RACGAP1: variants seen among roughly 807,000 people sequenced by gnomAD.
The protein encoded by RACGAP1 is rac GTPase-activating protein 1.
RACGAP1 carries 30 observed loss-of-function variants against 78.1 expected under a neutral mutation model. The ratio of observed to expected loss-of-function variants is 0.38; its 90% CI spans 0.29 to 0.52. The LOEUF is 0.52. RACGAP1 is among the 20% of genes least tolerant of loss of function. The pLI, the probability that RACGAP1 is intolerant of heterozygous loss-of-function variation, is 0.82. For synonymous variants in RACGAP1, 231 were observed against 264.8 expected (o/e 0.87, Z 1.24); for missense variants, 587 against 777.1 (o/e 0.76, Z 2.91).
chr12:49,992,294 G>A lies in RACGAP1; in HGVS notation c.1529C>T (p.Pro510Leu), dbSNP rs1252479622. 1.2e-6 allele frequency: 2 copies of A among 1,614,154 alleles called. No homozygotes were observed. The highest frequency in any genetic ancestry group is 3.3e-5 in the Admixed American group (2 of 60,018). ...TAACATTGTCACTGGGTCTGGATTGGGCACAGCATGGGCCACTATTGTAGG... is the reference window on the plus strand; with the variant it reads ...TAACATTGTCACTGGGTCTGGATTGAGCACAGCATGGGCCACTATTGTAGG... ...FGPTIVAHAV[P>L]NPDPVTMLQD... The change falls in exon 14 of 17, where the codon CCC becomes CTC. Residue 510 changes from proline to leucine, a missense_variant. By Grantham distance (98) the Pro-to-Leu change is moderately conservative. Coordinates refer to ENST00000312377, the MANE Select transcript of RACGAP1 (RefSeq NM_001319999.2).
In RACGAP1 at chr12:49,997,120, C is replaced by T. The variant is rs1231224057; in HGVS notation, c.964G>A (p.Val322Ile). ...LSLKCRDCRVVSHPECRDRCP... is the reference protein window; with the variant it reads ...LSLKCRDCRVISHPECRDRCP... ...CGGTCCCGACATTCTGGATGAGAGA[C>T]CACACGACAGTCTCGACACTTCAGA... Residue 322 changes from valine (V) to isoleucine (I), a missense_variant, in exon 10 of 17, where the codon GTC becomes ATC. Val to Ile is a conservative substitution (Grantham distance 29). Transcript: ENST00000312377. The T allele has an allele frequency of 6.2e-7, 1 of 1,610,874 alleles. No homozygotes were observed. The highest frequency in any genetic ancestry group is 1.3e-5 in the African/African-American group (1 of 74,844).
chr12:50,015,175 C>T (rs984893126), intron 2 of RACGAP1, among the ~76,000 whole-genome samples: 3 of 151,764 alleles, frequency 2.0e-5, no homozygotes, highest in Admixed American at 1.3e-4. Context: ...CCACTATGCC[C>T]GACCGCTAAT....
rs951272773 is a variant in RACGAP1 at position 50,006,528 on chromosome 12, C to T, written c.194G>A (p.Arg65Gln). The change falls in exon 3 of 17, where the codon CGA (arginine) becomes CAA (glutamine). Residue 65 changes from arginine (R) to glutamine (Q), a missense_variant. By Grantham distance (43) the Arg-to-Gln change is conservative. Transcript: ENST00000312377. Reference sequence around the variant, plus strand: ...CTTCAGCTTAACATCCAGAGCACTTCGCTCAGTCTCTGCTTTCATCAAAAG... The same window carrying T: ...CTTCAGCTTAACATCCAGAGCACTTTGCTCAGTCTCTGCTTTCATCAAAAG... ...KDLLMKAETERSALDVKLKHA... is the reference protein window; with the variant it reads ...KDLLMKAETEQSALDVKLKHA... The T allele has an allele frequency of 5.0e-6, 8 of 1,614,092 alleles. No individual in the cohort carries two copies. Among genetic ancestry groups the T allele is most frequent in the South Asian group, 3.3e-5 (3 of 91,086 alleles).
chr12:50,000,031 T>TTTTTTTTTTTTTG (rs10701508), intron 7 of RACGAP1, among the ~76,000 whole-genome samples: 2 of 147,418 alleles, frequency 1.4e-5, no homozygotes, highest in African/African-American at 2.5e-5. Context: ...TTTTTTTTTT[T>TTTTTTTTTTTTTG]GAGACGGAGT....
Position 49,990,119 on chromosome 12 carries a change from T to C in RACGAP1, c.*149A>G, listed in dbSNP as rs1947733482. The stretch of plus-strand genomic sequence containing the variant: ...AGAAGGAAGGGGAGATATATATAGT[T>C]TTAATAAAACCCTCATGCACAATTA... On this transcript the variant is annotated 3_prime_UTR_variant, in exon 17 of 17. Transcript: ENST00000312377. 3.4e-6 allele frequency: 2 copies of C among 585,234 alleles called. No individual in the cohort carries two copies. The highest frequency in any genetic ancestry group is 2.9e-5 in the Admixed American group (1 of 34,768). 36.3% of individuals were successfully genotyped at this position (585,234 alleles called of 1,614,324 possible). A position where few individuals can be genotyped will look rare whatever the true frequency, so the allele number is the denominator to read the frequency against.
intron 1 of RACGAP1, chr12:50,017,081 G>A (rs1241430309): frequency 2.0e-6 from 2 of 1,013,352 alleles, no homozygotes; most frequent in Non-Finnish European, 2.4e-6. Flanking sequence ...AATTTTGCCA[G>A]TTTATTCCTT....
intron 10 of RACGAP1, among the ~76,000 whole-genome samples, chr12:49,995,597 AT>A (rs1948210005): frequency 6.6e-6 from 1 of 152,010 alleles, no homozygotes. Context: ...ACCTCAAGCA[AT>A]AGTCCAACCT....
At chr12:50,007,126 T>G (rs1949021271) in intron 2 of RACGAP1, among the ~76,000 whole-genome samples, 1 of 152,198 alleles carries the variant, frequency 6.6e-6, no homozygotes, top group African/African-American at 2.4e-5. Flanking sequence ...ATATTACAGA[T>G]GTCTAGACCT....
intron 3 of RACGAP1, among the ~76,000 whole-genome samples, chr12:50,005,973 A>C (rs1948952556): frequency 6.6e-6 from 1 of 152,218 alleles, no homozygotes; most frequent in South Asian, 2.1e-4. Context: ...GGTTGAATAC[A>C]TCTAGCCTTT....
At chr12:50,008,014 AG>A (rs998741254) in intron 2 of RACGAP1, among the ~76,000 whole-genome samples, 49 of 151,660 alleles carry the variant, frequency 3.2e-4, no homozygotes, top group African/African-American at 1.1e-3. Flanking sequence ...GAGAATAAAA[AG>A]ATTTTCATCT....
upstream of RACGAP1, among the ~76,000 whole-genome samples, chr12:50,030,114 C>T (rs756869132): frequency 6.6e-6 from 1 of 151,922 alleles, no homozygotes; most frequent in Non-Finnish European, 1.5e-5. Context: ...CTACAAAAAA[C>T]TGAAAAATTA....
At chr12:50,023,432 C>T (rs1258488341) in intron 1 of RACGAP1, among the ~76,000 whole-genome samples, 2 of 152,150 alleles carry the variant, frequency 1.3e-5, no homozygotes, top group Admixed American at 1.3e-4. Flanking sequence ...TAAGAAATAC[C>T]TATTGAATGA....
intron 2 of RACGAP1, among the ~76,000 whole-genome samples, chr12:50,031,039 C>T (rs1192379543): frequency 6.6e-6 from 1 of 151,492 alleles, no homozygotes; most frequent in Non-Finnish European, 1.5e-5. Flanking sequence ...CTTGGTCTCC[C>T]AAAGTGCTAG....
intron 2 of RACGAP1, among the ~76,000 whole-genome samples, chr12:50,007,245 A>G (rs910179714): frequency 5.6e-5 from 8 of 142,712 alleles, no homozygotes; most frequent in Non-Finnish European, 7.8e-5. Flanking sequence ...ATTCCAGTTG[A>G]AAAAAAAAAA....
At position 50,016,572 on chromosome 12, in the gene RACGAP1, A is replaced by T; in HGVS notation, c.85+59T>A. On this transcript the variant is annotated intron_variant, in intron 2 of 16. Coordinates refer to ENST00000312377, the MANE Select transcript of RACGAP1 (RefSeq NM_001319999.2). ...AGATTGGAAAATACTTCAGCTTTGT[A>T]AAAATCCCAAATTTGAAATCTGTTT... 4 of 1,533,606 alleles carry T rather than the reference A, an allele frequency of 2.6e-6. No individual in the cohort carries two copies. In the South Asian group the frequency reaches 3.4e-5, roughly 13 times the overall value. The allele number at this position is 1,533,606 out of a possible 1,614,324, so 95.0% of individuals were successfully genotyped here. A position where few individuals can be genotyped will look rare whatever the true frequency, so the allele number is the denominator to read the frequency against.
At chr12:50,000,044 C>T (rs1429673067) in intron 7 of RACGAP1, among the ~76,000 whole-genome samples, 1 of 15,024 alleles carries the variant, frequency 6.7e-5, no homozygotes, top group Non-Finnish European at 2.4e-4. Context: ...GACGGAGTCT[C>T]GCTGTGTCGC....
upstream of RACGAP1, among the ~76,000 whole-genome samples, chr12:50,025,764 ACTGT>A (rs1392993011): frequency 6.6e-6 from 1 of 152,008 alleles, no homozygotes; most frequent in Non-Finnish European, 1.5e-5. Flanking sequence ...TCTTGGTCTC[ACTGT>A]CTGCGGGACT....
Position 50,004,426 on chromosome 12 carries a change from T to G in RACGAP1, c.426-122A>C. On this transcript the variant is annotated intron_variant, in intron 4 of 16. Coordinates refer to ENST00000312377, the MANE Select transcript of RACGAP1 (RefSeq NM_001319999.2). ...GTTAATTTCATAGCAAAATCTTCACTATAGAGACAATTACAATCTCAAACC... is the reference window on the plus strand; with the variant it reads ...GTTAATTTCATAGCAAAATCTTCACGATAGAGACAATTACAATCTCAAACC... 3.6e-6 allele frequency: 5 copies of G among 1,383,960 alleles called. 1 individual carries two copies. Among genetic ancestry groups the G allele is most frequent in the Non-Finnish European group, 3.8e-6 (4 of 1,048,738 alleles). The allele number at this position is 1,383,960 out of a possible 1,614,324, so 85.7% of individuals were successfully genotyped here. A position where few individuals can be genotyped will look rare whatever the true frequency, so the allele number is the denominator to read the frequency against.
chr12:50,011,331 CAAA>C (rs34796842), intron 2 of RACGAP1, among the ~76,000 whole-genome samples: 7 of 71,482 alleles, frequency 9.8e-5, no homozygotes, highest in Admixed American at 2.8e-4. Context: ...GAGACTGTCT[CAAA>C]AAAAAAAAAA....
Sources: gnomAD v4.1 joint callset for allele counts (sites outside exome capture counted in the v4.1 genomes callset) on GRCh38, gnomAD v4.1.1 for gene constraint, MANE v1.5 for transcripts, NCBI Gene and HGNC (gene_info 2026-07-23, HGNC 2026-07-21) for gene names.